Variants in CNTLN observed in about 807,000 individuals in gnomAD.
The protein encoded by CNTLN is centlein.
Under a neutral mutation model 180.0 loss-of-function variants are expected in CNTLN, and 212 were observed. That is an observed-to-expected ratio of 1.18 (90% CI 1.05 to 1.32). The LOEUF (loss-of-function observed/expected upper bound fraction) is 1.32, where lower values mean the gene tolerates loss of function less well. Ranked by LOEUF, CNTLN falls within the 40% of genes most tolerant of loss-of-function variation. The probability of loss-of-function intolerance (pLI) is 0.00; values close to 1 mark genes in which losing one functional copy is unlikely to be tolerated. For missense variants in CNTLN, 2,095 were observed against 1,610.9 expected, an observed-to-expected ratio of 1.30 and a Z score of -5.14; for synonymous variants, 722 against 563.1, an observed-to-expected ratio of 1.28 and a Z score of -3.99.
chr9:17,446,390 A>G (rs536625046), intron 18 of CNTLN, among the ~76,000 whole-genome samples: 12 of 152,310 alleles, frequency 7.9e-5, no homozygotes, highest in African/African-American at 2.9e-4. Flanking sequence ...TTTAGGATAT[A>G]TTTAAGAAAC....
At chr9:17,144,308 C>A (rs537905151) in intron 2 of CNTLN, among the ~76,000 whole-genome samples, 6 of 152,246 alleles carry the variant, frequency 3.9e-5, no homozygotes, top group African/African-American at 1.2e-4. Context: ...TCTAATTCAT[C>A]AATCATTTTT....
At chr9:17,201,271 T>A (rs544881641) in intron 2 of CNTLN, among the ~76,000 whole-genome samples, 2 of 152,276 alleles carry the variant, frequency 1.3e-5, no homozygotes, top group African/African-American at 4.8e-5. Context: ...TGATGTTCAT[T>A]AAGGACATTG....
intron 18 of CNTLN, among the ~76,000 whole-genome samples, chr9:17,436,818 G>A (rs1004092650): frequency 1.3e-5 from 2 of 152,086 alleles, no homozygotes; most frequent in African/African-American, 2.4e-5. Flanking sequence ...TGTGATCTGT[G>A]TTCACACCGC....
intron 13 of CNTLN, among the ~76,000 whole-genome samples, chr9:17,381,781 C>T (rs926010365): frequency 3.9e-5 from 6 of 152,300 alleles, no homozygotes; most frequent in African/African-American, 1.4e-4. Flanking sequence ...GGCTGGAGTG[C>T]TTCACCTTGA....
At chr9:17,492,487 CT>C (rs1833219059) in intron 25 of CNTLN, among the ~76,000 whole-genome samples, 1 of 152,060 alleles carries the variant, frequency 6.6e-6, no homozygotes, top group Non-Finnish European at 1.5e-5. Flanking sequence ...ATTCAACAAA[CT>C]TTTATCGAGT....
intron 1 of CNTLN, 80 bp downstream of exon 1, chr9:17,135,505 G>T (rs902277319): frequency 4.5e-5 from 66 of 1,482,054 alleles, no homozygotes; most frequent in Non-Finnish European, 5.6e-5. Context: ...TTCTCCCTCT[G>T]CCTTGGGACC....
chr9:17,191,167 C>A (rs1289284238), intron 2 of CNTLN, among the ~76,000 whole-genome samples: 1 of 152,174 alleles, frequency 6.6e-6, no homozygotes, highest in Non-Finnish European at 1.5e-5. Context: ...ATATGTGAGC[C>A]TTTTGGATAC....
intron 14 of CNTLN, among the ~76,000 whole-genome samples, chr9:17,390,737 C>T (rs1587860849): frequency 1.3e-5 from 2 of 152,162 alleles, no homozygotes; most frequent in East Asian, 3.9e-4. Context: ...TGAGAGTATA[C>T]CTTGAATAAC....
chr9:17,376,882 A>G (rs2133549351), intron 13 of CNTLN, among the ~76,000 whole-genome samples: 1 of 152,206 alleles, frequency 6.6e-6, no homozygotes, highest in East Asian at 1.9e-4. Flanking sequence ...ATGAAGAGAA[A>G]CAGAAGTAAA....
At chr9:17,484,159 A>G (rs1163281686) in intron 23 of CNTLN, 136 bp from the exon 24 acceptor site, 9 of 694,200 alleles carry the variant, frequency 1.3e-5, no homozygotes, top group Admixed American at 2.9e-5. Flanking sequence ...GCAATCCACT[A>G]TATTCCAGAG....
rs1307975119 is a variant in CNTLN at position 17,338,330 on chromosome 9, A to T, written c.1645-2497A>T. On this transcript the variant is annotated intron_variant, in intron 10 of 25. Transcript: ENST00000380647. ...CAGGCACCTGCTATCACTCCTGGCTAATTTTTGTTTTTTTTTTTTTTTTTT... is the reference window on the plus strand; with the variant it reads ...CAGGCACCTGCTATCACTCCTGGCTTATTTTTGTTTTTTTTTTTTTTTTTT... 1.3e-4 allele frequency among the ~76,000 whole-genome samples: 4 copies of T among 31,876 alleles called. No homozygotes were observed. In the East Asian group the frequency reaches 5.6e-3, roughly 44 times the overall value. The allele number at this position is 31,876 out of a possible 152,430, so 20.9% of individuals were successfully genotyped here.
chr9:17,389,687 A>T (rs1007878713), intron 14 of CNTLN, among the ~76,000 whole-genome samples: 2 of 152,042 alleles, frequency 1.3e-5, no homozygotes, highest in African/African-American at 4.8e-5. Context: ...AAATAAATTT[A>T]AAAAATAGTA....
At chr9:17,197,266 A>C (rs1822193941) in intron 2 of CNTLN, among the ~76,000 whole-genome samples, 1 of 152,210 alleles carries the variant, frequency 6.6e-6, no homozygotes, top group Non-Finnish European at 1.5e-5. Flanking sequence ...AGTATACAAG[A>C]GTTCCCTTTT....
intron 2 of CNTLN, among the ~76,000 whole-genome samples, chr9:17,175,743 A>G (rs1820680077): frequency 1.3e-5 from 2 of 151,836 alleles, no homozygotes; most frequent in Non-Finnish European, 2.9e-5. Flanking sequence ...CTCCTAATCC[A>G]TGGACATAAG....
chr9:17,486,916 AT>A, intron 24 of CNTLN, 72 bp from the exon 25 acceptor site: 1 of 686,920 alleles, frequency 1.5e-6, no homozygotes, highest in Non-Finnish European at 2.5e-6. Context: ...CTCCAGATTT[AT>A]TCAGTATCTA....
In CNTLN at chr9:17,164,875, G is replaced by A. The variant is rs1212207965; in HGVS notation, c.449+21499G>A. Among the ~76,000 whole-genome samples, 8 of 132,246 alleles carry A rather than the reference G, an allele frequency of 6.0e-5. 1 individual carries two copies. The highest frequency in any genetic ancestry group is 4.7e-4 in the South Asian group (2 of 4,236). The allele number at this position is 132,246 out of a possible 152,430, so 86.8% of individuals were successfully genotyped here. On this transcript the variant is annotated intron_variant, in intron 2 of 25. Coordinates refer to ENST00000380647, the MANE Select transcript of CNTLN (RefSeq NM_017738.4). ...TTTTGAGACAGAGTCTCACTCTGTC[G>A]CCCAGGCTCAAGTGCAGTGGTGCAA...
chr9:17,209,634 C>T (rs931925601), intron 2 of CNTLN, among the ~76,000 whole-genome samples: 4 of 152,140 alleles, frequency 2.6e-5, no homozygotes, highest in African/African-American at 9.7e-5. Context: ...ATTGTTATAG[C>T]CTCTTGCCAA....
chr9:17,415,694 T>C (rs1828167705), intron 16 of CNTLN, 94 bp from the exon 17 acceptor site: 1 of 855,890 alleles, frequency 1.2e-6, no homozygotes, highest in African/African-American at 1.7e-5. Flanking sequence ...GCATAAACAA[T>C]TGTATTTTTT....
At chr9:17,361,742 G>T (rs971321112) in intron 12 of CNTLN, among the ~76,000 whole-genome samples, 5 of 152,182 alleles carry the variant, frequency 3.3e-5, no homozygotes, top group African/African-American at 1.2e-4. Context: ...GTGCTTTCAG[G>T]CAGAAATCGA....
Sources: allele counts gnomAD v4.1 joint callset (sites outside exome capture counted in the v4.1 genomes callset), GRCh38; gene constraint gnomAD v4.1.1; transcripts MANE v1.5; gene names NCBI Gene and HGNC (gene_info 2026-07-23, HGNC 2026-07-21).